Variants in NCOA2 observed in about 807,000 individuals in gnomAD.
The protein encoded by NCOA2 is class E basic helix-loop-helix protein 75.
In NCOA2, 21 loss-of-function variants were observed where a neutral mutation model predicts 145.1. The ratio of observed to expected loss-of-function variants is 0.14; its 90% confidence interval spans 0.10 to 0.21. NCOA2 has a LOEUF of 0.21. Among genes scored for constraint, NCOA2 ranks in the 10% least tolerant of loss-of-function variants. NCOA2 has a pLI of 1.00. For synonymous variants in NCOA2, 619 were observed against 637.5 expected (o/e 0.97, Z 0.44); for missense variants, 1,472 against 1,837.6 (o/e 0.80, Z 3.64).
chr8:70,444,286 A>C, the NCOA2 span, among the ~76,000 whole-genome samples: 1 of 152,230 alleles, frequency 6.6e-6, no homozygotes, highest in African/African-American at 2.4e-5. Context: ...AACATCCTTG[A>C]AATGACAAAA....
intron 1 of NCOA2, among the ~76,000 whole-genome samples, chr8:70,375,529 T>C (rs1159152402): frequency 6.6e-6 from 1 of 152,140 alleles, no homozygotes; most frequent in East Asian, 1.9e-4. Flanking sequence ...GCAAAAATAA[T>C]GAGACTTAAA....
At chr8:70,159,243 T>TATATATATATATATATGTATATA (rs869045939) in intron 10 of NCOA2, among the ~76,000 whole-genome samples, 8 of 82,064 alleles carry the variant, frequency 9.7e-5, no homozygotes, top group Middle Eastern at 6.8e-3. Context: ...TATATATATA[T>TATATATATATATATATGTATATA]TTTTTTTTTT....
chr8:70,195,275 G>T (rs994450232), intron 4 of NCOA2, among the ~76,000 whole-genome samples: 1 of 152,198 alleles, frequency 6.6e-6, no homozygotes, highest in Non-Finnish European at 1.5e-5. Context: ...AGGGAAGGGT[G>T]TCTCTTTAAG....
chr8:70,335,211 T>A (rs1807480930), intron 1 of NCOA2, among the ~76,000 whole-genome samples: 1 of 149,556 alleles, frequency 6.7e-6, no homozygotes, highest in Non-Finnish European at 1.5e-5. Flanking sequence ...TCATTTCTGC[T>A]TCCATGATCT....
At chr8:70,403,146 C>G (rs1814518782) in intron 1 of NCOA2, among the ~76,000 whole-genome samples, 1 of 151,132 alleles carries the variant, frequency 6.6e-6, no homozygotes, top group South Asian at 2.1e-4. Context: ...TCCCACTCTC[C>G]GCTGCAGCCG....
intron 2 of NCOA2, among the ~76,000 whole-genome samples, chr8:70,230,878 A>C (rs1194951746): frequency 6.6e-6 from 1 of 152,220 alleles, no homozygotes; most frequent in Admixed American, 6.5e-5. Context: ...ATAATTTTAT[A>C]GCTGGGTCTT....
chr8:70,227,535 G>C (rs1401527184), intron 2 of NCOA2, among the ~76,000 whole-genome samples: 1 of 152,098 alleles, frequency 6.6e-6, no homozygotes, highest in African/African-American at 2.4e-5. Flanking sequence ...AATCTAGTTT[G>C]GGGGGACCTC....
At chr8:70,350,625 G>C (rs1022361564) in intron 1 of NCOA2, among the ~76,000 whole-genome samples, 6 of 152,096 alleles carry the variant, frequency 3.9e-5, no homozygotes. Context: ...TTTCAGATTA[G>C]AACCTTGAAA....
chr8:70,402,294 T>A (rs970623124), intron 1 of NCOA2: 2 of 151,586 alleles, frequency 1.3e-5, no homozygotes, highest in Admixed American at 6.6e-5. Context: ...GAGGACGAGG[T>A]GGCGGAGGAA....
intron 2 of NCOA2, among the ~76,000 whole-genome samples, chr8:70,240,207 C>T (rs1163977197): frequency 6.6e-6 from 1 of 152,168 alleles, no homozygotes; most frequent in Non-Finnish European, 1.5e-5. Context: ...GCTGCACAAC[C>T]TTAGGAAAGG....
the NCOA2 span, among the ~76,000 whole-genome samples, chr8:70,448,662 A>T: frequency 6.6e-6 from 1 of 152,204 alleles, no homozygotes; most frequent in East Asian, 1.9e-4. Context: ...CACCACTTAC[A>T]TCGCATGATG....
intron 11 of NCOA2, among the ~76,000 whole-genome samples, chr8:70,151,739 T>C (rs918412701): frequency 6.6e-6 from 1 of 152,216 alleles, no homozygotes; most frequent in African/African-American, 2.4e-5. Context: ...CTAGAGATAA[T>C]ATTGCTTTGC....
intron 1 of NCOA2, among the ~76,000 whole-genome samples, chr8:70,302,720 TCA>T (rs1350586142): frequency 6.6e-6 from 1 of 152,196 alleles, no homozygotes; most frequent in African/African-American, 2.4e-5. Flanking sequence ...TTATTTCAAC[TCA>T]GTTTAATAAA....
At position 70,118,532 on chromosome 8, in the gene NCOA2, C is replaced by T. The variant is rs201758309; in HGVS notation, c.4383+2770G>A. 9.2e-5 allele frequency among the ~76,000 whole-genome samples: 14 copies of T among 152,206 alleles called. No homozygotes were observed. The East Asian group carries it at 2.7e-3, about 29-fold the overall frequency. ...TGTGATTCTTAAAAACAAGAGAAACCGCATGGAGAATATGCACACAGTAAG... is the reference window on the plus strand; with the variant it reads ...TGTGATTCTTAAAAACAAGAGAAACTGCATGGAGAATATGCACACAGTAAG... On this transcript the variant is annotated intron_variant, in intron 22 of 22. Transcript: ENST00000452400.
chr8:70,297,356 C>A (rs1452084834), intron 1 of NCOA2, among the ~76,000 whole-genome samples: 1 of 152,122 alleles, frequency 6.6e-6, no homozygotes, highest in Non-Finnish European at 1.5e-5. Context: ...CCTTCAGAGA[C>A]AAAATTTCGT....
chr8:70,379,477 A>G (rs945077821), intron 1 of NCOA2, among the ~76,000 whole-genome samples: 1 of 152,222 alleles, frequency 6.6e-6, no homozygotes, highest in African/African-American at 2.4e-5. Context: ...GAATTGGTCC[A>G]GACAAATGCA....
the NCOA2 span, among the ~76,000 whole-genome samples, chr8:70,434,877 G>A: frequency 2.1e-3 from 313 of 152,182 alleles, 6 homozygotes; most frequent in Non-Finnish European, 2.5e-3. Context: ...CAACACATAT[G>A]CTAATGATCT....
intron 14 of NCOA2, among the ~76,000 whole-genome samples, chr8:70,139,637 T>C (rs937597946): frequency 2.1e-5 from 3 of 144,574 alleles, no homozygotes; most frequent in Non-Finnish European, 4.5e-5. Context: ...AAAACAACGC[T>C]GGCCATCTTT....
chr8:70,342,305 T>C (rs958326135), intron 1 of NCOA2, among the ~76,000 whole-genome samples: 16 of 152,120 alleles, frequency 1.1e-4, no homozygotes, highest in Admixed American at 2.6e-4. Context: ...CAATAAACCC[T>C]AAGGCAGTCC....
Sources: gnomAD v4.1 joint callset for allele counts (sites outside exome capture counted in the v4.1 genomes callset) on GRCh38, gnomAD v4.1.1 for gene constraint, MANE v1.5 for transcripts, NCBI Gene and HGNC (gene_info 2026-07-23, HGNC 2026-07-21) for gene names.